The following NCOR1 variants were observed in gnomAD, a reference collection of about 807,000 sequenced individuals.
NCOR1 encodes protein phosphatase 1, regulatory subunit 109.
Under a neutral mutation model 288.1 loss-of-function variants are expected in NCOR1, and 63 were observed. The ratio of observed to expected loss-of-function variants is 0.22; its 90% CI spans 0.18 to 0.27. The LOEUF (loss-of-function observed/expected upper bound fraction) is 0.27. Among genes scored for constraint, NCOR1 ranks in the 10% least tolerant of loss-of-function variants. The probability of loss-of-function intolerance (pLI) is 1.00; values close to 1 mark genes in which losing one functional copy is unlikely to be tolerated. For missense variants in NCOR1, 2,397 were observed against 3,019.2 expected (o/e 0.79, Z 4.83); for synonymous variants, 1,007 against 1,065.9 (o/e 0.94, Z 1.08).
intron 21 of NCOR1, among the ~76,000 whole-genome samples, chr17:16,095,456 C>G (rs1271045573): frequency 6.8e-6 from 1 of 146,886 alleles, no homozygotes; most frequent in Non-Finnish European, 1.5e-5. Flanking sequence ...GTCAGCCCCC[C>G]GCCCGGCCAG....
chr17:16,209,772 C>T (rs569976331), intron 1 of NCOR1, among the ~76,000 whole-genome samples: 108 of 149,748 alleles, frequency 7.2e-4, no homozygotes, highest in Non-Finnish European at 1.2e-3. Context: ...GCCAACATGG[C>T]GAAACTCTTT....
rs189316679 is a variant in NCOR1, at chr17:16,049,990, A to C, written c.6393-1002T>G. The stretch of plus-strand genomic sequence containing the variant: ...ACTGCAGCCTCAAACTCTTGGGCTC[A>C]AGTGGTCCTCTCACTTACATCTCCC... On this transcript the variant is annotated intron_variant, in intron 40 of 45. Coordinates refer to ENST00000268712, the MANE Select transcript of NCOR1 (RefSeq NM_006311.4). Among the ~76,000 whole-genome samples, 470 of 152,286 alleles carry C rather than the reference A, an allele frequency of 3.1e-3. 2 individuals are homozygous for C. The highest frequency in any genetic ancestry group is 0.011 in the African/African-American group (447 of 41,534).
At chr17:16,148,029 C>T (rs377632409) in intron 9 of NCOR1, among the ~76,000 whole-genome samples, 1 of 152,214 alleles carries the variant, frequency 6.6e-6, no homozygotes, top group African/African-American at 2.4e-5. Context: ...GTTGGTCAGG[C>T]GGGTCTCAAA....
chr17:16,136,458 C>T (rs1358338218), intron 14 of NCOR1, among the ~76,000 whole-genome samples: 1 of 152,144 alleles, frequency 6.6e-6, no homozygotes, highest in South Asian at 2.1e-4. Flanking sequence ...TCCCAAAGTA[C>T]GGGGATTACA....
At chr17:16,063,964 A>C in intron 35 of NCOR1, 104 bp downstream of exon 35, 1 of 1,410,802 alleles carries the variant, frequency 7.1e-7, no homozygotes, top group Non-Finnish European at 9.5e-7. Flanking sequence ...ACGTTGTCTT[A>C]GAATTTTTGT....
intron 19 of NCOR1, among the ~76,000 whole-genome samples, chr17:16,105,752 G>A (rs974238939): frequency 1.3e-5 from 2 of 151,576 alleles, no homozygotes; most frequent in South Asian, 4.2e-4. Flanking sequence ...AACAAACAAA[G>A]ACAGACAAGC....
In NCOR1 at chr17:16,121,066, G is replaced by T. The variant is rs148932674; in HGVS notation, c.1838C>A (p.Pro613Gln). ...TTTCCACTCACTGGGTTCTGGTGGC[G>T]GTGGCAGAGGTGGTGGGGGCTCTTC... The part of the protein sequence containing the change: ...ATEEPPPPLP[P>Q]PPEPISTEPV... The change falls in exon 16 of 46, where the codon CCG becomes CAG. Residue 613 changes from proline (P) to glutamine (Q), a missense_variant. Pro to Gln is a moderately conservative substitution (Grantham distance 76, BLOSUM62 -1). Transcript: ENST00000268712. 12 of 1,613,280 alleles carry T rather than the reference G, an allele frequency of 7.4e-6. No individual in the cohort carries two copies. The highest frequency in any genetic ancestry group is 5.9e-6 in the Non-Finnish European group (7 of 1,179,496).
intron 1 of NCOR1, among the ~76,000 whole-genome samples, chr17:16,195,192 C>T (rs2089492189): frequency 6.6e-6 from 1 of 152,118 alleles, no homozygotes; most frequent in African/African-American, 2.4e-5. Flanking sequence ...AAAAAGAAGG[C>T]CAGGAGCGGT....
At chr17:16,055,678 AAGTT>A (rs1213895145) in intron 40 of NCOR1, among the ~76,000 whole-genome samples, 1 of 152,220 alleles carries the variant, frequency 6.6e-6, no homozygotes, top group Non-Finnish European at 1.5e-5. Flanking sequence ...CTTAAAATGA[AAGTT>A]AAATAAATAA....
At chr17:16,057,785 A>G in intron 39 of NCOR1, 48 bp from the exon 40 acceptor site, 1 of 1,175,102 alleles carries the variant, frequency 8.5e-7, no homozygotes, top group Admixed American at 2.4e-5. Context: ...GAGTACTTGC[A>G]AAAAAAAAAT....
At chr17:16,214,402 T>C (rs2092384002) in intron 1 of NCOR1, among the ~76,000 whole-genome samples, 1 of 152,188 alleles carries the variant, frequency 6.6e-6, no homozygotes, top group Admixed American at 6.5e-5. Flanking sequence ...CACAGTGCCA[T>C]GTTCAGCCTT....
chr17:16,072,621 G>A (rs1367253250), intron 28 of NCOR1, among the ~76,000 whole-genome samples: 2 of 152,186 alleles, frequency 1.3e-5, no homozygotes, highest in African/African-American at 2.4e-5. Context: ...TGTATTAAAT[G>A]AAACATGCAA....
intron 20 of NCOR1, 54 bp from the exon 21 acceptor site, chr17:16,098,550 A>G: frequency 2.0e-6 from 3 of 1,494,682 alleles, no homozygotes; most frequent in Non-Finnish European, 2.8e-6. Context: ...AGACTCAAAC[A>G]TATAATCACT....
intron 3 of NCOR1, among the ~76,000 whole-genome samples, chr17:16,185,652 C>T (rs2086493623): frequency 7.8e-6 from 1 of 127,426 alleles, no homozygotes. Context: ...CACTGCACTC[C>T]AGCCTGGGTG....
At chr17:16,065,765 C>CA in intron 32 of NCOR1, 71 bp from the exon 33 acceptor site, 1 of 1,368,524 alleles carries the variant, frequency 7.3e-7, no homozygotes, top group Non-Finnish European at 1.0e-6. Flanking sequence ...ACACCACGTA[C>CA]AAAAGAGTAG....
intron 18 of NCOR1, among the ~76,000 whole-genome samples, chr17:16,116,423 A>C (rs1375434876): frequency 2.6e-5 from 4 of 152,260 alleles, no homozygotes; most frequent in African/African-American, 9.6e-5. Context: ...TGTAATGAGA[A>C]GGTGTGAAGC....
At chr17:16,040,621 C>T (rs2057377842) in intron 42 of NCOR1, 127 bp from the exon 43 acceptor site, 1 of 848,402 alleles carries the variant, frequency 1.2e-6, no homozygotes, top group Non-Finnish European at 1.9e-6. Context: ...TTATTTCTCA[C>T]CCATTAAGTG....
rs980214062 is a variant in NCOR1, at chr17:16,181,120, T to C, written c.242+5434A>G. Among the ~76,000 whole-genome samples the C allele has an allele frequency of 5.9e-5, 9 of 151,644 alleles. No individual in the cohort carries two copies. The East Asian group carries it at 7.8e-4, about 13-fold the overall frequency. On this transcript the variant is annotated intron_variant, in intron 3 of 45. Transcript: ENST00000268712. ...GTTGCAGTGAACCAAGGTTGTGCCA[T>C]TGCACTCCAGCTTGGGTGACAGAGT...
intron 19 of NCOR1, among the ~76,000 whole-genome samples, chr17:16,102,582 A>G (rs1041990877): frequency 7.3e-5 from 11 of 150,218 alleles, no homozygotes; most frequent in African/African-American, 2.7e-4. Context: ...TGCATTTTAC[A>G]TTTTCTGCAT....
Sources: gnomAD v4.1 joint callset for allele counts (sites outside exome capture counted in the v4.1 genomes callset) on GRCh38, gnomAD v4.1.1 for gene constraint, MANE v1.5 for transcripts, NCBI Gene and HGNC (gene_info 2026-07-23, HGNC 2026-07-21) for gene names.